The following GAK variants were observed in gnomAD, a reference collection of about 807,000 sequenced individuals.
GAK encodes the protein cyclin G associated kinase.
GAK carries 79 observed loss-of-function variants against 143.9 expected under a neutral mutation model. The observed-to-expected ratio is 0.55, with a 90% CI of 0.46 to 0.66. The LOEUF (loss-of-function observed/expected upper bound fraction) is 0.66. Among genes scored for constraint, GAK ranks in the 30% least tolerant of loss-of-function variants. GAK has a pLI of 0.00. For synonymous variants in GAK, 881 were observed against 765.5 expected (o/e 1.15, Z -2.49); for missense variants, 1,693 against 1,779.7 (o/e 0.95, Z 0.88).
chr4:911,612 AG>A (rs3830208), intron 4 of GAK, 60 bp downstream of exon 4: 126,159 of 1,123,100 alleles, frequency 0.11, 8,106 homozygotes, highest in South Asian at 0.19. Flanking sequence ...CTGGGTTAGG[AG>A]GCATCAAGCC....
At chr4:882,906 CG>C in intron 13 of GAK, 87 bp from the exon 14 acceptor site, 2 of 1,520,250 alleles carry the variant, frequency 1.3e-6, no homozygotes, top group Non-Finnish European at 1.8e-6. Flanking sequence ...GCCTGCAGTG[CG>C]GGGGCCTCCG....
rs34809842 is a variant in GAK at position 907,363 on chromosome 4, CAG to C, written c.383-2586_383-2585del. On this transcript the variant is annotated intron_variant, in intron 4 of 27. Coordinates refer to ENST00000314167, the MANE Select transcript of GAK (RefSeq NM_005255.4). ...AGCTTTGTGCTGACCCTCTGAGAAA[CAG>C]GGGGGCTCTCAGGAAAAATGAGGGG... Among the ~76,000 whole-genome samples the C allele has an allele frequency of 4.2e-3, 633 of 152,298 alleles. 4 individuals are homozygous for C. The highest frequency in any genetic ancestry group is 7.0e-3 in the Non-Finnish European group (474 of 68,016).
intron 2 of GAK, 83 bp downstream of exon 2, chr4:913,524 G>A: frequency 1.9e-6 from 2 of 1,040,738 alleles, no homozygotes; most frequent in South Asian, 1.3e-5. Flanking sequence ...TACGTAACAG[G>A]GACGCATCCC....
At chr4:899,256 A>T (rs1320269572) in intron 5 of GAK, among the ~76,000 whole-genome samples, 1 of 152,210 alleles carries the variant, frequency 6.6e-6, no homozygotes, top group Non-Finnish European at 1.5e-5. Context: ...TCCTTCTGAG[A>T]TAGGGAAGGA....
intron 1 of GAK, among the ~76,000 whole-genome samples, chr4:926,789 T>G (rs1025330128): frequency 6.7e-6 from 1 of 149,954 alleles, no homozygotes; most frequent in Non-Finnish European, 1.5e-5. Context: ...TAGAACCAAC[T>G]AACCAAGCCC....
chr4:926,381 C>T (rs865848290), intron 1 of GAK, among the ~76,000 whole-genome samples: 10 of 152,182 alleles, frequency 6.6e-5, no homozygotes, highest in East Asian at 1.9e-4. Context: ...GGGCACAATG[C>T]GCAGAGCAAC....
At chr4:931,562 C>T (rs1266050963) in intron 1 of GAK, among the ~76,000 whole-genome samples, 3 of 152,124 alleles carry the variant, frequency 2.0e-5, no homozygotes, top group Non-Finnish European at 4.4e-5. Flanking sequence ...CCCAGATGTC[C>T]GGCAAAAGGC....
At chr4:914,712 C>T (rs1170105825) in intron 1 of GAK, among the ~76,000 whole-genome samples, 1 of 118,396 alleles carries the variant, frequency 8.4e-6, no homozygotes, top group African/African-American at 3.3e-5. Flanking sequence ...CCAGCATACA[C>T]GGCCCCCCGC....
chr4:887,987 T>C (rs1716869591), intron 11 of GAK: 1 of 152,260 alleles, frequency 6.6e-6, no homozygotes, highest in Non-Finnish European at 1.5e-5. Flanking sequence ...GCACCCACGC[T>C]CACATGTGCA....
chr4:849,833 G>GTCCCCCCCCCCCC, intron 27 of GAK, 59 bp from the exon 28 acceptor site: 4 of 1,190,148 alleles, frequency 3.4e-6, no homozygotes, highest in Non-Finnish European at 4.6e-6. Context: ...GGCGGGGCAG[G>GTCCCCCCCCCCCC]ACCCCCCCCC....
At position 850,112 on chromosome 4, in the gene GAK, C is replaced by T. The variant is rs747319264; in HGVS notation, c.3658-44G>A. 6.6e-6 allele frequency: 10 copies of T among 1,512,796 alleles called. No individual in the cohort carries two copies. In the East Asian group the frequency reaches 7.4e-5, roughly 11 times the overall value. 93.7% of individuals were successfully genotyped at this position (1,512,796 alleles called of 1,614,324 possible). A position where few individuals can be genotyped will look rare whatever the true frequency, so the allele number is the denominator to read the frequency against. ...TTGCCGAGCCCTGGGCACCTGCCTGCCCTCCTCCTCTGCACCGCGGAAACT... is the reference window on the plus strand; with the variant it reads ...TTGCCGAGCCCTGGGCACCTGCCTGTCCTCCTCCTCTGCACCGCGGAAACT... On this transcript the variant is annotated intron_variant, in intron 26 of 27. Transcript: ENST00000314167.
intron 20 of GAK, among the ~76,000 whole-genome samples, chr4:868,129 G>A (rs929789190): frequency 2.0e-5 from 3 of 146,824 alleles, no homozygotes; most frequent in African/African-American, 7.6e-5. Context: ...TTCCTGAAAA[G>A]CCTCAGAGGG....
At chr4:886,046 G>C (rs767085931) in intron 11 of GAK, 1 of 152,266 alleles carries the variant, frequency 6.6e-6, no homozygotes, top group Non-Finnish European at 1.5e-5. Context: ...GATTACACGA[G>C]CCACCGTGCC....
intron 5 of GAK, among the ~76,000 whole-genome samples, chr4:899,695 C>T (rs1402279465): frequency 6.6e-6 from 1 of 152,230 alleles, no homozygotes; most frequent in Non-Finnish European, 1.5e-5. Flanking sequence ...CCGTGGCATC[C>T]AAGAGTGCAA....
intron 15 of GAK, 126 bp downstream of exon 15, chr4:881,781 G>C: frequency 1.7e-6 from 2 of 1,202,388 alleles, no homozygotes; most frequent in East Asian, 5.2e-5. Context: ...CCGCGAGGCC[G>C]GGCCTGCCTT....
chr4:855,560 C>T (rs1748986482), intron 24 of GAK, among the ~76,000 whole-genome samples: 1 of 152,284 alleles, frequency 6.6e-6, no homozygotes, highest in South Asian at 2.1e-4. Flanking sequence ...CTTTGTAGTG[C>T]GTGTAACTTT....
chr4:908,830 TATATA>T (rs1350575719), intron 4 of GAK, among the ~76,000 whole-genome samples: 2 of 152,040 alleles, frequency 1.3e-5, no homozygotes, highest in Non-Finnish European at 2.9e-5. Flanking sequence ...AAAGGAAAAT[TATATA>T]AAGTAAAATC....
Position 852,338 on chromosome 4 carries a change from C to T in GAK, c.3284-364G>A, listed in dbSNP as rs559078313. On this transcript the variant is annotated intron_variant, in intron 24 of 27. Coordinates refer to ENST00000314167, the MANE Select transcript of GAK (RefSeq NM_005255.4). ...CCAAGGCAGACCCGGGGCTTGTCCA[C>T]GGGGGTTGGGGCAGTGTCCCCACGT... 31 of 341,572 alleles carry T rather than the reference C, an allele frequency of 9.1e-5. No individual in the cohort carries two copies. The East Asian group carries it at 1.7e-3, about 19-fold the overall frequency. 21.2% of individuals were successfully genotyped at this position (341,572 alleles called of 1,614,324 possible). A position where few individuals can be genotyped will look rare whatever the true frequency, so the allele number is the denominator to read the frequency against.
At chr4:890,509 C>A in intron 10 of GAK, 23 bp downstream of exon 10, 1 of 1,561,200 alleles carries the variant, frequency 6.4e-7, no homozygotes. Flanking sequence ...GGACAGGTGG[C>A]GGGCACAGGA....
Sources: allele counts gnomAD v4.1 joint callset (sites outside exome capture counted in the v4.1 genomes callset), GRCh38; gene constraint gnomAD v4.1.1; transcripts MANE v1.5; gene names NCBI Gene and HGNC (gene_info 2026-07-23, HGNC 2026-07-21).